Variants in ADAM12 observed in about 807,000 individuals in gnomAD.
The protein encoded by ADAM12 is ADAM metallopeptidase domain 12.
Under a neutral mutation model 106.4 loss-of-function variants are expected in ADAM12, and 70 were observed. The ratio of observed to expected loss-of-function variants is 0.66; its 90% CI spans 0.54 to 0.80. The LOEUF (loss-of-function observed/expected upper bound fraction) is 0.80. ADAM12 is among the 30% of genes least tolerant of loss of function. ADAM12 has a pLI of 0.00. For synonymous variants in ADAM12, 420 were observed against 433.5 expected, an observed-to-expected ratio of 0.97 and a Z score of 0.39; for missense variants, 1,010 against 1,171.9, an observed-to-expected ratio of 0.86 and a Z score of 2.02.
chr10:126,045,559 A>G (rs2133425712), intron 17 of ADAM12, among the ~76,000 whole-genome samples: 1 of 152,368 alleles, frequency 6.6e-6, no homozygotes, highest in East Asian at 1.9e-4. Context: ...GTTTTCAGCA[A>G]TTAGAGTCCT....
intron 2 of ADAM12, among the ~76,000 whole-genome samples, chr10:126,292,499 AT>A (rs781173778): frequency 1.3e-5 from 2 of 152,130 alleles, no homozygotes; most frequent in African/African-American, 2.4e-5. Context: ...GGCTCAAATA[AT>A]TCTTCTGCCC....
intron 6 of ADAM12, among the ~76,000 whole-genome samples, chr10:126,114,306 T>A (rs1011334564): frequency 6.6e-6 from 1 of 152,158 alleles, no homozygotes; most frequent in Non-Finnish European, 1.5e-5. Flanking sequence ...AATTAAGCCT[T>A]AAAAACGAAT....
At chr10:126,082,399 C>T (rs371587293) in intron 11 of ADAM12, among the ~76,000 whole-genome samples, 16 of 99,046 alleles carry the variant, frequency 1.6e-4, no homozygotes, top group South Asian at 3.5e-4. Context: ...TGTGGAGTTT[C>T]GCTCTGTAGC....
At position 126,312,328 on chromosome 10, in the gene ADAM12, G is replaced by C. The variant is rs535228685; in HGVS notation, c.186+18084C>G. 2.6e-5 allele frequency among the ~76,000 whole-genome samples: 4 copies of C among 152,294 alleles called. No homozygotes were observed. The South Asian group carries it at 8.3e-4, about 32-fold the overall frequency. On this transcript the variant is annotated intron_variant, in intron 2 of 22. Transcript: ENST00000448723. The stretch of plus-strand genomic sequence containing the variant: ...ACAGCGGGGCCTTCCAAGCACACCT[G>C]CTCCTTCCCTCTCCAACACCTGGGT...
intron 3 of ADAM12, among the ~76,000 whole-genome samples, chr10:126,207,284 T>C (rs542624605): frequency 2.7e-4 from 41 of 152,210 alleles, no homozygotes; most frequent in South Asian, 8.3e-4. Flanking sequence ...CTGTGCCTCA[T>C]TGGCAGAATG....
At chr10:126,313,440 A>T (rs1961204857) in intron 2 of ADAM12, among the ~76,000 whole-genome samples, 1 of 152,254 alleles carries the variant, frequency 6.6e-6, no homozygotes, top group Admixed American at 6.5e-5. Context: ...CCTTGAATTT[A>T]ACTTTGAAAA....
At chr10:126,137,342 T>C (rs1160985830) in intron 4 of ADAM12, among the ~76,000 whole-genome samples, 3 of 152,206 alleles carry the variant, frequency 2.0e-5, no homozygotes, top group African/African-American at 7.2e-5. Context: ...CTCTATACTC[T>C]ATTTTGATAT....
At chr10:126,220,969 C>G (rs963992649) in intron 3 of ADAM12, among the ~76,000 whole-genome samples, 2 of 152,242 alleles carry the variant, frequency 1.3e-5, no homozygotes, top group Non-Finnish European at 1.5e-5. Context: ...GATCCCACCC[C>G]GTTAGGGGAC....
At chr10:126,135,818 C>T (rs966476626) in intron 4 of ADAM12, among the ~76,000 whole-genome samples, 158 bp from the exon 5 acceptor site, 2 of 152,172 alleles carry the variant, frequency 1.3e-5, no homozygotes, top group African/African-American at 4.8e-5. Flanking sequence ...CATGACCCAG[C>T]CAGGGTCTAT....
chr10:126,021,566 T>A (rs1953768021), intron 21 of ADAM12, among the ~76,000 whole-genome samples: 2 of 152,206 alleles, frequency 1.3e-5, no homozygotes, highest in Admixed American at 1.3e-4. Context: ...GAAGTGATAT[T>A]TCTACATTAG....
At chr10:126,197,422 C>G (rs933824882) in intron 3 of ADAM12, among the ~76,000 whole-genome samples, 2 of 152,144 alleles carry the variant, frequency 1.3e-5, no homozygotes, top group Admixed American at 6.5e-5. Flanking sequence ...GGTGATGCAG[C>G]CTGGAGGCTG....
In ADAM12 at chr10:126,348,931, G is replaced by T. The variant is rs189257400; in HGVS notation, c.89-18422C>A. On this transcript the variant is annotated intron_variant, in intron 1 of 22. Coordinates refer to ENST00000448723, the MANE Select transcript of ADAM12 (RefSeq NM_001288973.2). Reference sequence around the variant, plus strand: ...TTATCTGAAATTCAGATTCAACTGGGAGTCCTGTTTTATCTGGCAATCCTA... The same window carrying T: ...TTATCTGAAATTCAGATTCAACTGGTAGTCCTGTTTTATCTGGCAATCCTA... Among the ~76,000 whole-genome samples the T allele has an allele frequency of 9.5e-4, 144 of 152,242 alleles. 1 individual carries two copies. Among genetic ancestry groups the T allele is most frequent in the African/African-American group, 3.3e-3 (136 of 41,538 alleles).
At chr10:126,152,831 T>C (rs565273284) in intron 4 of ADAM12, among the ~76,000 whole-genome samples, 2 of 152,310 alleles carry the variant, frequency 1.3e-5, no homozygotes, top group South Asian at 2.1e-4. Flanking sequence ...ATACTTAAAA[T>C]TGCAGGACAC....
At chr10:126,135,482 C>T (rs1281651313) in intron 5 of ADAM12, 102 bp downstream of exon 5, 9 of 1,128,912 alleles carry the variant, frequency 8.0e-6, no homozygotes, top group Non-Finnish European at 1.1e-5. Flanking sequence ...AGCTGGGAGC[C>T]CCCATCACTC....
At chr10:126,107,949 G>T (rs1233462088) in intron 8 of ADAM12, among the ~76,000 whole-genome samples, 1 of 152,178 alleles carries the variant, frequency 6.6e-6, no homozygotes, top group African/African-American at 2.4e-5. Context: ...CATTTTCTTT[G>T]CCGGCCCGCA....
intron 2 of ADAM12, 58 bp downstream of exon 2, chr10:126,330,354 G>C: frequency 7.3e-7 from 1 of 1,377,566 alleles, no homozygotes; most frequent in Non-Finnish European, 1.0e-6. Flanking sequence ...TACCAAAGCA[G>C]CTAATGTGAT....
chr10:126,059,495 T>C (rs1954705645), intron 14 of ADAM12, among the ~76,000 whole-genome samples: 1 of 152,236 alleles, frequency 6.6e-6, no homozygotes, highest in South Asian at 2.1e-4. Context: ...CTTTCCTGAC[T>C]TCTAAACAAT....
intron 3 of ADAM12, among the ~76,000 whole-genome samples, chr10:126,244,510 TG>T (rs1336624053): frequency 6.6e-6 from 1 of 152,190 alleles, no homozygotes; most frequent in African/African-American, 2.4e-5. Context: ...TGGGGGATCA[TG>T]GTAGACATGG....
Position 126,312,151 on chromosome 10 carries a change from AAC to A in ADAM12, c.186+18259_186+18260del, listed in dbSNP as rs1305038645. ...GTGTGGAAAAAAAAAAAAAAAAAAA[AAC>A]CCACGTTTGGTGACCAGAAGTGAAG... On this transcript the variant is annotated intron_variant, in intron 2 of 22. Transcript: ENST00000448723. Among the ~76,000 whole-genome samples the A allele has an allele frequency of 2.1e-3, 295 of 143,116 alleles. 2 individuals carry two copies. The Middle Eastern group carries it at 0.029, about 14-fold the overall frequency. 93.9% of individuals were successfully genotyped at this position (143,116 alleles called of 152,430 possible).
Sources: gnomAD v4.1 joint callset for allele counts (sites outside exome capture counted in the v4.1 genomes callset) on GRCh38, gnomAD v4.1.1 for gene constraint, MANE v1.5 for transcripts, NCBI Gene and HGNC (gene_info 2026-07-23, HGNC 2026-07-21) for gene names.